The following CALCRL variants were observed in gnomAD, a reference collection of about 807,000 sequenced individuals.
CALCRL encodes calcitonin gene-related peptide type 1 receptor.
CALCRL carries 27 observed loss-of-function variants against 60.4 expected under a neutral mutation model. That is an observed-to-expected ratio of 0.45 (90% CI 0.33 to 0.62). The LOEUF is 0.62. CALCRL is among the 20% of genes least tolerant of loss of function. CALCRL has a pLI of 0.03. For missense variants in CALCRL, 424 were observed against 540.7 expected, an observed-to-expected ratio of 0.78 and a Z score of 2.14; for synonymous variants, 190 against 182.6, an observed-to-expected ratio of 1.04 and a Z score of -0.33.
intron 8 of CALCRL, among the ~76,000 whole-genome samples, chr2:187,371,562 T>C (rs1424158659): frequency 6.6e-6 from 1 of 152,114 alleles, no homozygotes; most frequent in Non-Finnish European, 1.5e-5. Context: ...GCAAACTCTA[T>C]AGGTTTCAAC....
intron 8 of CALCRL, among the ~76,000 whole-genome samples, chr2:187,377,759 A>C (rs1226748832): frequency 6.6e-6 from 1 of 152,170 alleles, no homozygotes; most frequent in Non-Finnish European, 1.5e-5. Context: ...CACCTACTAA[A>C]TGAAAAATTA....
At chr2:187,443,281 T>G (rs1002630175) in intron 1 of CALCRL, among the ~76,000 whole-genome samples, 8 of 151,822 alleles carry the variant, frequency 5.3e-5, no homozygotes, top group African/African-American at 1.7e-4. Flanking sequence ...TAGAAACAAA[T>G]TATGTCCTCA....
intron 1 of CALCRL, among the ~76,000 whole-genome samples, chr2:187,407,376 G>C (rs906286041): frequency 6.6e-6 from 1 of 152,030 alleles, no homozygotes; most frequent in African/African-American, 2.4e-5. Flanking sequence ...TGTTTTGTCT[G>C]TTTGTAAAGT....
chr2:187,375,069 G>A (rs561353762), intron 8 of CALCRL, among the ~76,000 whole-genome samples: 3 of 151,112 alleles, frequency 2.0e-5, no homozygotes, highest in East Asian at 3.9e-4. Context: ...TCAGGAGATC[G>A]AGACCATCCT....
At chr2:187,435,863 TGC>T (rs1220786598) in intron 1 of CALCRL, among the ~76,000 whole-genome samples, 44 of 147,744 alleles carry the variant, frequency 3.0e-4, no homozygotes, top group Middle Eastern at 7.0e-3. Flanking sequence ...TGTGTGTTTG[TGC>T]GTGCGTGTGT....
intron 8 of CALCRL, among the ~76,000 whole-genome samples, chr2:187,371,730 CA>C (rs1200913629): frequency 1.1e-4 from 9 of 80,996 alleles, no homozygotes; most frequent in Non-Finnish European, 1.8e-4. Context: ...AGCAAGACTC[CA>C]TTTTTTTTTT....
chr2:187,443,740 T>G (rs1691036201), intron 1 of CALCRL, among the ~76,000 whole-genome samples: 1 of 151,722 alleles, frequency 6.6e-6, no homozygotes, highest in African/African-American at 2.4e-5. Context: ...TTGATGACAT[T>G]CTTTTCCCAT....
intron 1 of CALCRL, among the ~76,000 whole-genome samples, chr2:187,407,787 C>T (rs571861673): frequency 1.4e-4 from 21 of 152,114 alleles, no homozygotes; most frequent in Admixed American, 8.5e-4. Flanking sequence ...ATTCAAATAG[C>T]ACTACATTGA....
At chr2:187,384,359 A>G (rs1688118716) in intron 4 of CALCRL, among the ~76,000 whole-genome samples, 1 of 152,182 alleles carries the variant, frequency 6.6e-6, no homozygotes, top group Non-Finnish European at 1.5e-5. Context: ...AAAGTCCATA[A>G]AATTGCAAAA....
At chr2:187,417,004 T>G (rs1689643850) in intron 1 of CALCRL, among the ~76,000 whole-genome samples, 1 of 152,068 alleles carries the variant, frequency 6.6e-6, no homozygotes, top group Non-Finnish European at 1.5e-5. Flanking sequence ...TTCTTTCTCT[T>G]GAAAGGGATT....
At chr2:187,365,182 C>T (rs1037098546) in intron 8 of CALCRL, among the ~76,000 whole-genome samples, 1 of 152,148 alleles carries the variant, frequency 6.6e-6, no homozygotes, top group Non-Finnish European at 1.5e-5. Flanking sequence ...GACATAATTA[C>T]TTTCTGTTCA....
In CALCRL at chr2:187,344,085, C is replaced by A. The variant is rs1050122118; in HGVS notation, c.*2099G>T. On this transcript the variant is annotated 3_prime_UTR_variant, in exon 15 of 15. Coordinates refer to ENST00000392370, the MANE Select transcript of CALCRL (RefSeq NM_005795.6). ...CTAGAAGAAGGCTGATATATGTCAA[C>A]ATGGTCAGCAAAGGATTTAAATATG... 6.6e-6 allele frequency: 1 copy of A among 151,612 alleles called. No homozygotes were observed. The highest frequency in any genetic ancestry group is 2.1e-4 in the South Asian group (1 of 4,822). 9.4% of individuals were successfully genotyped at this position (151,612 alleles called of 1,614,324 possible).
chr2:187,426,902 A>T (rs1407028450), intron 1 of CALCRL, among the ~76,000 whole-genome samples: 1 of 152,158 alleles, frequency 6.6e-6, no homozygotes, highest in Non-Finnish European at 1.5e-5. Context: ...TTCATCTTAA[A>T]CAAAAGTAAA....
At chr2:187,371,315 C>T (rs1687509276) in intron 8 of CALCRL, among the ~76,000 whole-genome samples, 2 of 151,764 alleles carry the variant, frequency 1.3e-5, no homozygotes. Context: ...GGCTATATCT[C>T]AGGACCATAG....
At chr2:187,430,777 T>C (rs1156762551) in intron 1 of CALCRL, among the ~76,000 whole-genome samples, 1 of 152,132 alleles carries the variant, frequency 6.6e-6, no homozygotes, top group Non-Finnish European at 1.5e-5. Flanking sequence ...TTCATAGGAA[T>C]ATAACAGTGA....
At chr2:187,391,197 C>T (rs918110540) in intron 1 of CALCRL, among the ~76,000 whole-genome samples, 11 of 152,148 alleles carry the variant, frequency 7.2e-5, no homozygotes, top group Non-Finnish European at 1.0e-4. Flanking sequence ...TCTCTGCATA[C>T]TGCCTCTAAT....
chr2:187,374,267 C>T (rs1051222162), intron 8 of CALCRL, among the ~76,000 whole-genome samples: 9 of 152,036 alleles, frequency 5.9e-5, no homozygotes, highest in Admixed American at 2.6e-4. Context: ...TACTTGAAGA[C>T]GGTTTCTCAT....
intron 12 of CALCRL, among the ~76,000 whole-genome samples, chr2:187,357,951 C>A (rs1011988): frequency 1 from 151,996 of 152,196 alleles, 75,898 homozygotes; most frequent in Middle Eastern, 1. Flanking sequence ...ACAACAACAA[C>A]AAAATGAATA....
Position 187,343,654 on chromosome 2 carries a change from C to T in CALCRL, c.*2530G>A, listed in dbSNP as rs1686170354. ...TTAAAATATGACTTTCACAAGTAAT[C>T]ACAGTAAAATGCAGATCTACATTTT... is the stretch of plus-strand genomic sequence containing the variant. On this transcript the variant is annotated 3_prime_UTR_variant, in exon 15 of 15. Coordinates refer to ENST00000392370, the MANE Select transcript of CALCRL (RefSeq NM_005795.6). The T allele has an allele frequency of 6.6e-6, 1 of 151,080 alleles. No homozygotes were observed. Among genetic ancestry groups the T allele is most frequent in the Non-Finnish European group, 1.5e-5 (1 of 67,390 alleles). 9.4% of individuals were successfully genotyped at this position (151,080 alleles called of 1,614,324 possible).
Sources: allele counts gnomAD v4.1 joint callset (sites outside exome capture counted in the v4.1 genomes callset), GRCh38; gene constraint gnomAD v4.1.1; transcripts MANE v1.5; gene names NCBI Gene and HGNC (gene_info 2026-07-23, HGNC 2026-07-21).